Variants in NPR3 observed in about 807,000 individuals in gnomAD.
NPR3 encodes the protein atrial natriuretic peptide receptor 3.
A neutral mutation model predicts 54.5 loss-of-function variants in NPR3; 34 were observed. The ratio of observed to expected loss-of-function variants is 0.62; its 90% CI spans 0.47 to 0.83. The LOEUF (loss-of-function observed/expected upper bound fraction) is 0.83. NPR3 is among the 40% of genes least tolerant of loss of function. NPR3 has a pLI of 0.00. For missense variants in NPR3, 674 were observed against 720.8 expected (o/e 0.94, Z 0.74); for synonymous variants, 289 against 297.1 (o/e 0.97, Z 0.28).
At chr5:32,785,221 C>T (rs969061029) in intron 7 of NPR3, among the ~76,000 whole-genome samples, 4 of 141,588 alleles carry the variant, frequency 2.8e-5, no homozygotes, top group African/African-American at 1.1e-4. Context: ...GGCACGATCT[C>T]TGTTCACTGC....
chr5:32,711,539 C>A lies in NPR3; in HGVS notation c.-238C>A. Reference sequence around the variant, plus strand: ...TATATTACAGACGCACAGGTTTACACCCGGTGAACTTTTTCTTTTTCTTTT... The same window carrying A: ...TATATTACAGACGCACAGGTTTACAACCGGTGAACTTTTTCTTTTTCTTTT... On this transcript the variant is annotated 5_prime_UTR_variant, in exon 1 of 8. Transcript: ENST00000265074. 1.3e-6 allele frequency: 1 copy of A among 782,274 alleles called. No individual in the cohort carries two copies. Among genetic ancestry groups the A allele is most frequent in the African/African-American group, 2.3e-5 (1 of 44,102 alleles). The allele number at this position is 782,274 out of a possible 1,614,324, so 48.5% of individuals were successfully genotyped here. A position where few individuals can be genotyped will look rare whatever the true frequency, so the allele number is the denominator to read the frequency against.
chr5:32,736,822 G>C (rs1170054990), intron 2 of NPR3, among the ~76,000 whole-genome samples: 1 of 152,148 alleles, frequency 6.6e-6, no homozygotes, highest in Non-Finnish European at 1.5e-5. Flanking sequence ...AGTTTTGCTC[G>C]GTGGCCTGAA....
At chr5:32,713,135 G>T in intron 1 of NPR3, 1 of 981,882 alleles carries the variant, frequency 1.0e-6, no homozygotes, top group Non-Finnish European at 1.2e-6. Context: ...CCTTATAAAC[G>T]AGCTTCTGTG....
At chr5:32,727,801 T>C (rs1455312550) in intron 2 of NPR3, among the ~76,000 whole-genome samples, 1 of 152,212 alleles carries the variant, frequency 6.6e-6, no homozygotes, top group Non-Finnish European at 1.5e-5. Context: ...TGACAGTTTT[T>C]TTCTCTGTTT....
chr5:32,700,379 T>G (rs113375386), intron 1 of NPR3, among the ~76,000 whole-genome samples: 3,064 of 152,246 alleles, frequency 0.02, 107 homozygotes, highest in African/African-American at 0.07. Flanking sequence ...TGTGCTTCAT[T>G]GTTTTTTTAA....
Position 32,789,606 on chromosome 5 carries a change from C to T in NPR3, c.*3261C>T, listed in dbSNP as rs976844389. The T allele has an allele frequency of 1.9e-6, 1 of 534,674 alleles. No individual in the cohort carries two copies. Among genetic ancestry groups the T allele is most frequent in the Non-Finnish European group, 3.8e-6 (1 of 260,074 alleles). The allele number at this position is 534,674 out of a possible 1,614,324, so 33.1% of individuals were successfully genotyped here. On this transcript the variant is annotated 3_prime_UTR_variant, in exon 8 of 8. Transcript: ENST00000265074. ...ATTCAAAGACGTTTGCTTTGGAATGCCCTCACTTCTCCCTATTCACAGGCT... is the reference window on the plus strand; with the variant it reads ...ATTCAAAGACGTTTGCTTTGGAATGTCCTCACTTCTCCCTATTCACAGGCT...
upstream of NPR3, among the ~76,000 whole-genome samples, chr5:32,706,628 G>A (rs142026328): frequency 1.7e-4 from 26 of 152,290 alleles, no homozygotes; most frequent in African/African-American, 5.5e-4. Context: ...TCCCCACCAC[G>A]ACAATATTCC....
At chr5:32,734,219 A>G (rs1739608893) in intron 2 of NPR3, among the ~76,000 whole-genome samples, 1 of 152,184 alleles carries the variant, frequency 6.6e-6, no homozygotes, top group Non-Finnish European at 1.5e-5. Flanking sequence ...CAAGGAAGGC[A>G]GATATTTTCT....
chr5:32,738,761 G>A, intron 2 of NPR3, 103 bp from the exon 3 acceptor site: 1 of 947,176 alleles, frequency 1.1e-6, no homozygotes, highest in Non-Finnish European at 1.6e-6. Flanking sequence ...TCTCTTCCTG[G>A]TTGCCAAAAG....
At chr5:32,737,242 C>G (rs1739798020) in intron 2 of NPR3, among the ~76,000 whole-genome samples, 1 of 152,154 alleles carries the variant, frequency 6.6e-6, no homozygotes, top group Non-Finnish European at 1.5e-5. Flanking sequence ...CTTTGTACCC[C>G]CCATAGTAAG....
At chr5:32,771,883 T>G (rs1307919628) in intron 3 of NPR3, among the ~76,000 whole-genome samples, 1 of 152,076 alleles carries the variant, frequency 6.6e-6, no homozygotes, top group Non-Finnish European at 1.5e-5. Flanking sequence ...AGGCCATGAC[T>G]CTGTGATTCT....
rs1440226262 is a variant in NPR3 at position 32,784,840 on chromosome 5, G to C, written c.1471G>C (p.Ala491Pro). The change falls in exon 7 of 8, where the codon GCT becomes CCT. Residue 491 changes from alanine (A) to proline (P), a missense_variant. Ala to Pro is a conservative substitution (Grantham distance 27). Coordinates refer to ENST00000265074, the MANE Select transcript of NPR3 (RefSeq NM_001204375.2). ...GGCAGTGACAGGAATTGTCGTGGGG[G>C]CTTTACTAGGAGCTGGCTTGCTAAT... ...ESAVTGIVVGALLGAGLLMAF... is the reference protein window; with the variant it reads ...ESAVTGIVVGPLLGAGLLMAF... 6.2e-7 allele frequency: 1 copy of C among 1,613,846 alleles called. No homozygotes were observed. Among genetic ancestry groups the C allele is most frequent in the East Asian group, 2.2e-5 (1 of 44,862 alleles).
Position 32,786,941 on chromosome 5 carries a change from A to G in NPR3, c.*596A>G, listed in dbSNP as rs1742671068. On this transcript the variant is annotated 3_prime_UTR_variant, in exon 8 of 8. Transcript: ENST00000265074. ...CCCTGTCTTTTTCAGTGTCTCATAA[A>G]CGCTACTCTGGATTGTTGTAAATAT... 6.5e-6 allele frequency: 1 copy of G among 152,700 alleles called. No individual in the cohort carries two copies. The highest frequency in any genetic ancestry group is 2.1e-4 in the South Asian group (1 of 4,826). The allele number at this position is 152,700 out of a possible 1,614,324, so 9.5% of individuals were successfully genotyped here. A position where few individuals can be genotyped will look rare whatever the true frequency, so the allele number is the denominator to read the frequency against.
At chr5:32,745,485 T>C (rs1404315510) in intron 3 of NPR3, among the ~76,000 whole-genome samples, 1 of 152,190 alleles carries the variant, frequency 6.6e-6, no homozygotes, top group East Asian at 1.9e-4. Context: ...GGTTTTAGAA[T>C]GCACTGTGTG....
At chr5:32,704,402 G>A (rs1257518772) in intron 1 of NPR3, among the ~76,000 whole-genome samples, 4 of 150,018 alleles carry the variant, frequency 2.7e-5, no homozygotes, top group Non-Finnish European at 5.9e-5. Flanking sequence ...GTGTGTGTGT[G>A]TATAGTTGTT....
At chr5:32,729,642 C>T (rs1739354186) in intron 2 of NPR3, among the ~76,000 whole-genome samples, 1 of 152,108 alleles carries the variant, frequency 6.6e-6, no homozygotes, top group Non-Finnish European at 1.5e-5. Flanking sequence ...TGCTCCTAGG[C>T]TATAAACCTA....
At chr5:32,758,476 A>G (rs764969952) in intron 3 of NPR3, among the ~76,000 whole-genome samples, 1 of 151,958 alleles carries the variant, frequency 6.6e-6, no homozygotes, top group Admixed American at 6.6e-5. Context: ...TATTGCGTCT[A>G]TTTGATTCTT....
intron 1 of NPR3, among the ~76,000 whole-genome samples, chr5:32,692,752 C>T (rs1206233779): frequency 6.6e-6 from 1 of 152,172 alleles, no homozygotes; most frequent in African/African-American, 2.4e-5. Context: ...ATTTCTGTTC[C>T]TAGCATAATA....
rs141927496 is a variant in NPR3 at position 32,746,475 on chromosome 5, A to C, written c.1059+7445A>C. Among the ~76,000 whole-genome samples, 788 of 152,314 alleles carry C rather than the reference A, an allele frequency of 5.2e-3. 5 individuals carry two copies. The highest frequency in any genetic ancestry group is 0.018 in the African/African-American group (748 of 41,576). ...ATTCACATGGATAGGGTACGACAAC[A>C]TCGTGTATGTCAGGTTGCACTGAAA... On this transcript the variant is annotated intron_variant, in intron 3 of 7. Coordinates refer to ENST00000265074, the MANE Select transcript of NPR3 (RefSeq NM_001204375.2).
Sources: gnomAD v4.1 joint callset for allele counts (sites outside exome capture counted in the v4.1 genomes callset) on GRCh38, gnomAD v4.1.1 for gene constraint, MANE v1.5 for transcripts, NCBI Gene and HGNC (gene_info 2026-07-23, HGNC 2026-07-21) for gene names.